Variants in CRACR2A observed in about 807,000 individuals in gnomAD.
CRACR2A encodes the protein EF-hand calcium-binding domain-containing protein 4B.
A neutral mutation model predicts 90.5 loss-of-function variants in CRACR2A; 79 were observed. The ratio of observed to expected loss-of-function variants is 0.87; its 90% CI spans 0.73 to 1.05. CRACR2A has a LOEUF of 1.05. CRACR2A is among the 50% of genes least tolerant of loss of function. The pLI, the probability that CRACR2A is intolerant of heterozygous loss-of-function variation, is 0.00. For missense variants in CRACR2A, 823 were observed against 897.2 expected (o/e 0.92, Z 1.06); for synonymous variants, 338 against 356.7 (o/e 0.95, Z 0.59).
At chr12:3,631,997 C>T (rs1241937581) in intron 15 of CRACR2A, among the ~76,000 whole-genome samples, 1 of 152,160 alleles carries the variant, frequency 6.6e-6, no homozygotes, top group African/African-American at 2.4e-5. Flanking sequence ...ACCTCATGCT[C>T]AATTATAATC....
At chr12:3,666,332 T>TGTGCGTGTGTGTGTGTGC (rs1945139098) in intron 7 of CRACR2A, among the ~76,000 whole-genome samples, 4 of 114,982 alleles carry the variant, frequency 3.5e-5, no homozygotes, top group African/African-American at 1.3e-4. Flanking sequence ...GACGGCTGCG[T>TGTGCGTGTGTGTGTGTGC]GTGTGTGTGT....
At chr12:3,690,166 A>C (rs1225604893) in intron 4 of CRACR2A, among the ~76,000 whole-genome samples, 1 of 151,672 alleles carries the variant, frequency 6.6e-6, no homozygotes, top group African/African-American at 2.4e-5. Context: ...CCTTGAGTTC[A>C]GCTCTGATTA....
intron 15 of CRACR2A, among the ~76,000 whole-genome samples, chr12:3,629,153 T>C (rs1944333815): frequency 6.6e-6 from 1 of 152,146 alleles, no homozygotes. Context: ...CATATGCATA[T>C]GTACTCATAC....
chr12:3,692,113 C>A (rs556766049), intron 4 of CRACR2A, among the ~76,000 whole-genome samples: 25 of 152,316 alleles, frequency 1.6e-4, no homozygotes, highest in African/African-American at 6.0e-4. Context: ...TCTCAATGAT[C>A]CTCATTCCTA....
chr12:3,674,642 T>C (rs1169211389), intron 6 of CRACR2A, among the ~76,000 whole-genome samples: 1 of 152,236 alleles, frequency 6.6e-6, no homozygotes, highest in African/African-American at 2.4e-5. Context: ...TTTCACAGGC[T>C]AGTTTATTAT....
chr12:3,649,454 T>C (rs1020784014), intron 10 of CRACR2A, among the ~76,000 whole-genome samples: 2 of 152,178 alleles, frequency 1.3e-5, no homozygotes, highest in African/African-American at 4.8e-5. Flanking sequence ...TCACCTTCTC[T>C]TTCCCACCCT....
At position 3,713,236 on chromosome 12, in the gene CRACR2A, C is replaced by T; in HGVS notation, c.-37+1G>A. On this transcript the variant is annotated splice_donor_variant, in intron 3 of 19. Coordinates refer to ENST00000440314, the MANE Select transcript of CRACR2A (RefSeq NM_001144958.2). LOFTEE classifies it low-confidence loss of function (5UTR_SPLICE). Reference sequence around the variant, plus strand: ...CTGTCGCCTTTTGTTCGCTCACTCACCTTGCAGCTCCCGGCTCCTCGGAGG... The same window carrying T: ...CTGTCGCCTTTTGTTCGCTCACTCATCTTGCAGCTCCCGGCTCCTCGGAGG... 1.0e-6 allele frequency: 1 copy of T among 985,356 alleles called. No homozygotes were observed. The highest frequency in any genetic ancestry group is 1.2e-6 in the Non-Finnish European group (1 of 829,936). The allele number at this position is 985,356 out of a possible 1,614,324, so 61.0% of individuals were successfully genotyped here.
intron 4 of CRACR2A, among the ~76,000 whole-genome samples, chr12:3,691,705 G>A (rs182654594): frequency 2.2e-4 from 33 of 152,322 alleles, no homozygotes; most frequent in Non-Finnish European, 1.3e-4. Context: ...TAGCTAGGTT[G>A]GGGAAGTTCT....
chr12:3,738,402 G>A (rs1946478222), intron 1 of CRACR2A, among the ~76,000 whole-genome samples: 1 of 152,140 alleles, frequency 6.6e-6, no homozygotes, highest in East Asian at 1.9e-4. Flanking sequence ...TGAAGATTAT[G>A]TGCAGGAGAC....
At position 3,633,642 on chromosome 12, in the gene CRACR2A, C is replaced by T. The variant is rs1186893667; in HGVS notation, c.1697G>A (p.Cys566Tyr). The change falls in exon 15 of 20, where the codon TGT becomes TAT. Residue 566 changes from cysteine to tyrosine, a missense_variant. Physicochemically the swap from Cys to Tyr is radical, Grantham distance 194. Coordinates refer to ENST00000440314, the MANE Select transcript of CRACR2A (RefSeq NM_001144958.2). The surrounding 1 kb of genome is among the most constrained non-coding windows in gnomAD (Gnocchi z 4.5). ...CATGCCTGGGGAGAACCGGTCCTCA[C>T]AGAATCTCCTCAGGAAGGATGTCTT... ...VGKTSFLRRF[C>Y]EDRFSPGMAA... is the part of the protein sequence containing the mutation. 1.9e-6 allele frequency: 3 copies of T among 1,551,610 alleles called. No individual in the cohort carries two copies. The highest frequency in any genetic ancestry group is 1.4e-5 in the African/African-American group (1 of 73,046).
chr12:3,715,453 G>A (rs1219729204), intron 2 of CRACR2A, among the ~76,000 whole-genome samples: 1 of 152,170 alleles, frequency 6.6e-6, no homozygotes. Flanking sequence ...TAGAGAGCTT[G>A]CAAAGCCACA....
intron 3 of CRACR2A, among the ~76,000 whole-genome samples, 198 bp from the exon 4 acceptor site, chr12:3,697,233 C>G (rs1422987311): frequency 6.6e-6 from 1 of 152,078 alleles, no homozygotes; most frequent in African/African-American, 2.4e-5. Flanking sequence ...GCAAGCCCAT[C>G]AAAGGGAGGA....
At chr12:3,700,172 G>T (rs73049168) in intron 3 of CRACR2A, among the ~76,000 whole-genome samples, 14,827 of 152,186 alleles carry the variant, frequency 0.097, 811 homozygotes, top group African/African-American at 0.13. Flanking sequence ...ACAACCCTGA[G>T]AATTAGTATC....
intron 3 of CRACR2A, among the ~76,000 whole-genome samples, chr12:3,712,229 T>G (rs1946015356): frequency 6.6e-6 from 1 of 151,994 alleles, no homozygotes; most frequent in South Asian, 2.1e-4. Flanking sequence ...GGCCATTTTT[T>G]TTTTTAAAGT....
chr12:3,720,293 G>A (rs1335283680), intron 2 of CRACR2A, among the ~76,000 whole-genome samples: 5 of 128,470 alleles, frequency 3.9e-5, no homozygotes, highest in Non-Finnish European at 4.9e-5. Context: ...AAGAAAGAAA[G>A]AAAAAGAAAG....
At chr12:3,656,079 C>G (rs894792049) in intron 9 of CRACR2A, among the ~76,000 whole-genome samples, 2 of 152,088 alleles carry the variant, frequency 1.3e-5, no homozygotes, top group East Asian at 3.9e-4. Context: ...GCAGATACCT[C>G]GTGGGGGAAT....
intron 2 of CRACR2A, among the ~76,000 whole-genome samples, chr12:3,718,335 G>A (rs1591709035): frequency 6.6e-6 from 1 of 152,312 alleles, no homozygotes; most frequent in East Asian, 1.9e-4. Context: ...GGGTGGAACC[G>A]AGGGCCCTGG....
At chr12:3,743,049 T>C (rs991467018) in intron 1 of CRACR2A, among the ~76,000 whole-genome samples, 10 of 152,254 alleles carry the variant, frequency 6.6e-5, no homozygotes, top group Admixed American at 1.3e-4. Flanking sequence ...ATCACTACAA[T>C]GTAACCCCTA....
chr12:3,705,952 T>C (rs1013454320), intron 3 of CRACR2A, among the ~76,000 whole-genome samples: 3 of 152,144 alleles, frequency 2.0e-5, no homozygotes, highest in Non-Finnish European at 4.4e-5. Flanking sequence ...AATTTCAACC[T>C]ACCAACAATC....
Sources: gnomAD v4.1 joint callset for allele counts (sites outside exome capture counted in the v4.1 genomes callset) on GRCh38, gnomAD v4.1.1 for gene constraint, Gnocchi (gnomAD v3.1) non-coding constraint, MANE v1.5 for transcripts, NCBI Gene and HGNC (gene_info 2026-07-23, HGNC 2026-07-21) for gene names.